The following CERKL variants were observed in gnomAD, a reference collection of about 807,000 sequenced individuals.
CERKL encodes the protein ceramide kinase-like protein.
In CERKL, 61 loss-of-function variants were observed where a neutral mutation model predicts 63.4. The observed-to-expected ratio is 0.96, with a 90% CI of 0.78 to 1.19. The LOEUF (loss-of-function observed/expected upper bound fraction) is 1.19, where lower values mean the gene tolerates loss of function less well. Ranked by LOEUF, CERKL falls within the 50% of genes most tolerant of loss-of-function variation. The pLI, the probability that CERKL is intolerant of heterozygous loss-of-function variation, is 0.00. For missense variants in CERKL, 675 were observed against 655.5 expected, an observed-to-expected ratio of 1.03 and a Z score of -0.33; for synonymous variants, 250 against 230.5, an observed-to-expected ratio of 1.08 and a Z score of -0.77.
At chr2:181,608,249 T>A (rs976271708) in intron 1 of CERKL, among the ~76,000 whole-genome samples, 7 of 152,120 alleles carry the variant, frequency 4.6e-5, no homozygotes, top group African/African-American at 1.7e-4. Flanking sequence ...CTTACCAATC[T>A]TTAAAGTCCT....
intron 2 of CERKL, among the ~76,000 whole-genome samples, chr2:181,578,675 C>T (rs1235118280): frequency 6.6e-6 from 1 of 151,968 alleles, no homozygotes; most frequent in African/African-American, 2.4e-5. Flanking sequence ...AGCTTCCCTA[C>T]ATGCTATTCT....
chr2:181,539,162 C>T lies in CERKL; in HGVS notation c.1468G>A (p.Ala490Thr). The change falls in exon 12 of 13, where the codon GCT (alanine) becomes ACT (threonine). Residue 490 changes from alanine to threonine, a missense_variant. By Grantham distance (58) the Ala-to-Thr change is moderately conservative. Coordinates refer to ENST00000410087, the MANE Select transcript of CERKL (RefSeq NM_201548.5). ...YNPEEEEDETASENCFPWNVD... is the reference protein window; with the variant it reads ...YNPEEEEDETTSENCFPWNVD... ...TTCCAAGGGAAACAATTTTCTGAAG[C>T]AGTTTCATCCTCCTCCTCCTCTGGA... 6.2e-7 allele frequency: 1 copy of T among 1,608,802 alleles called. No homozygotes were observed. Among genetic ancestry groups the T allele is most frequent in the South Asian group, 1.1e-5 (1 of 90,980 alleles).
intron 1 of CERKL, among the ~76,000 whole-genome samples, chr2:181,610,592 A>T (rs1410780812): frequency 6.6e-6 from 1 of 152,242 alleles, no homozygotes; most frequent in Admixed American, 6.5e-5. Flanking sequence ...CTGGAAAGAC[A>T]TTCATGCTAA....
chr2:181,628,163 T>TA (rs1299119234), intron 1 of CERKL, among the ~76,000 whole-genome samples: 2 of 152,328 alleles, frequency 1.3e-5, no homozygotes, highest in East Asian at 3.9e-4. Flanking sequence ...GACAAACTCT[T>TA]ATTTAAGCTT....
intron 4 of CERKL, among the ~76,000 whole-genome samples, chr2:181,561,076 T>C (rs1487812845): frequency 6.6e-6 from 1 of 152,152 alleles, no homozygotes; most frequent in Non-Finnish European, 1.5e-5. Flanking sequence ...TGCCTCCTTA[T>C]ACCCTCTTGT....
intron 1 of CERKL, among the ~76,000 whole-genome samples, chr2:181,650,845 G>A (rs1687901378): frequency 6.6e-6 from 1 of 151,536 alleles, no homozygotes. Context: ...ACTCAGAGGA[G>A]AAATAAATGA....
chr2:181,607,088 C>T (rs1167035216), intron 1 of CERKL, among the ~76,000 whole-genome samples: 1 of 152,076 alleles, frequency 6.6e-6, no homozygotes, highest in African/African-American at 2.4e-5. Flanking sequence ...TTTTAAAGGA[C>T]AAAAATGCAA....
Position 181,657,043 on chromosome 2 carries a change from G to C in CERKL, c.-37C>G. 6.5e-7 allele frequency: 1 copy of C among 1,543,820 alleles called. No homozygotes were observed. The highest frequency in any genetic ancestry group is 8.7e-7 in the Non-Finnish European group (1 of 1,143,054). ...AGGCTGGGCCCGAGCCAGGGGTCCG[G>C]GGAGGCCTTTGGAGAAGGAGGTGGA... is the stretch of plus-strand genomic sequence containing the variant. On this transcript the variant is annotated 5_prime_UTR_variant, in exon 1 of 13. Transcript: ENST00000410087.
At chr2:181,636,612 T>G (rs144811224) in intron 1 of CERKL, among the ~76,000 whole-genome samples, 172 of 152,190 alleles carry the variant, frequency 1.1e-3, no homozygotes, top group African/African-American at 4.0e-3. Context: ...CACTGTCATC[T>G]CCCCCATAAA....
At chr2:181,568,129 G>T (rs1688743350) in intron 3 of CERKL, among the ~76,000 whole-genome samples, 1 of 152,084 alleles carries the variant, frequency 6.6e-6, no homozygotes, top group Admixed American at 6.6e-5. Flanking sequence ...AGACAAGAAA[G>T]TCTTAAGGTT....
At chr2:181,576,301 T>C (rs1684211285) in intron 2 of CERKL, among the ~76,000 whole-genome samples, 1 of 143,486 alleles carries the variant, frequency 7.0e-6, no homozygotes, top group South Asian at 2.2e-4. Flanking sequence ...GACAGTCAGT[T>C]GGGGACAAAA....
chr2:181,600,858 C>T (rs376600565), intron 2 of CERKL, among the ~76,000 whole-genome samples: 13 of 152,168 alleles, frequency 8.5e-5, no homozygotes, highest in African/African-American at 2.7e-4. Context: ...ACCAAATGGA[C>T]CTGACAGACA....
chr2:181,641,898 C>G (rs962028962), intron 1 of CERKL, among the ~76,000 whole-genome samples: 1 of 152,176 alleles, frequency 6.6e-6, no homozygotes, highest in African/African-American at 2.4e-5. Flanking sequence ...TCTAACTGGA[C>G]AGCCCTGCTT....
At chr2:181,581,178 T>C (rs1410200834) in intron 2 of CERKL, among the ~76,000 whole-genome samples, 1 of 152,232 alleles carries the variant, frequency 6.6e-6, no homozygotes, top group Non-Finnish European at 1.5e-5. Context: ...AGTTCAGTAA[T>C]GTGGCCAGGT....
chr2:181,587,537 T>C (rs1473666278), intron 2 of CERKL, among the ~76,000 whole-genome samples: 1 of 152,164 alleles, frequency 6.6e-6, no homozygotes, highest in Non-Finnish European at 1.5e-5. Context: ...CCTATTTAAC[T>C]ATATCACTTT....
At chr2:181,599,319 T>A (rs1685359890) in intron 2 of CERKL, among the ~76,000 whole-genome samples, 1 of 152,062 alleles carries the variant, frequency 6.6e-6, no homozygotes, top group African/African-American at 2.4e-5. Flanking sequence ...GTAAATCACC[T>A]GAGTTCAGGA....
chr2:181,638,798 T>C (rs1338775520), intron 1 of CERKL, among the ~76,000 whole-genome samples: 1 of 152,196 alleles, frequency 6.6e-6, no homozygotes, highest in East Asian at 1.9e-4. Context: ...GGGCAATCTT[T>C]TTCCCAAGTC....
At chr2:181,642,956 G>C (rs1306905149) in intron 1 of CERKL, among the ~76,000 whole-genome samples, 1 of 152,054 alleles carries the variant, frequency 6.6e-6, no homozygotes, top group African/African-American at 2.4e-5. Context: ...ACACCAAAGC[G>C]ATTGCCCACC....
intron 1 of CERKL, among the ~76,000 whole-genome samples, chr2:181,647,164 C>G (rs1021452855): frequency 1.3e-5 from 2 of 152,164 alleles, no homozygotes; most frequent in Non-Finnish European, 2.9e-5. Flanking sequence ...ATGACTACAT[C>G]TATTCTGTGG....
Sources: allele counts gnomAD v4.1 joint callset (sites outside exome capture counted in the v4.1 genomes callset), GRCh38; gene constraint gnomAD v4.1.1; transcripts MANE v1.5; gene names NCBI Gene and HGNC (gene_info 2026-07-23, HGNC 2026-07-21).